GAB4: variants seen among roughly 807,000 people sequenced by gnomAD.
GAB4 encodes the protein GRB2 associated binding protein family member 4.
In GAB4, 26 loss-of-function variants were observed where a neutral mutation model predicts 51.3. The ratio of observed to expected loss-of-function variants is 0.51; its 90% CI spans 0.37 to 0.70. The LOEUF (loss-of-function observed/expected upper bound fraction) is 0.70. Ranked by LOEUF, GAB4 falls within the 30% of genes least tolerant of loss-of-function variation. The pLI, the probability that GAB4 is intolerant of heterozygous loss-of-function variation, is 0.00. For missense variants in GAB4, 759 were observed against 734.6 expected (o/e 1.03, Z -0.38); for synonymous variants, 329 against 291.2 (o/e 1.13, Z -1.32).
chr22:17,005,655 A>G (rs1251921943), intron 1 of GAB4, among the ~76,000 whole-genome samples: 1 of 152,262 alleles, frequency 6.6e-6, no homozygotes, highest in East Asian at 1.9e-4. Flanking sequence ...ACAGATATAT[A>G]GACCAATGGA....
At position 16,987,956 on chromosome 22, in the gene GAB4, C is replaced by T. The variant is rs1290380597; in HGVS notation, c.686+4G>A. ...TGCCCCCACTGGCCATAGTAGCCCC[C>T]TACCTTGCATGTTCTGCTCTCTGGC... On this transcript the variant is annotated splice_donor_region_variant and intron_variant, in intron 3 of 9. Transcript: ENST00000400588. 2 of 1,591,996 alleles carry T rather than the reference C, an allele frequency of 1.3e-6. No individual in the cohort carries two copies. The highest frequency in any genetic ancestry group is 1.7e-6 in the Non-Finnish European group (2 of 1,170,316).
chr22:17,000,460 C>T (rs931132711), intron 1 of GAB4, among the ~76,000 whole-genome samples: 2 of 150,528 alleles, frequency 1.3e-5, no homozygotes, highest in Admixed American at 6.7e-5. Context: ...GGATTGCAAC[C>T]CCTGCTTTTT....
intron 3 of GAB4, among the ~76,000 whole-genome samples, chr22:16,971,638 G>C (rs1035651268): frequency 1.3e-5 from 2 of 152,196 alleles, no homozygotes; most frequent in Admixed American, 1.3e-4. Flanking sequence ...AGCTCTTGGG[G>C]TGTCTCCCCA....
chr22:16,971,404 G>A (rs960741690), intron 3 of GAB4, among the ~76,000 whole-genome samples: 3 of 152,166 alleles, frequency 2.0e-5, no homozygotes, highest in Admixed American at 1.3e-4. Context: ...ACAGCCTTCG[G>A]CTTTATGAGA....
chr22:16,963,679 C>T lies in GAB4; in HGVS notation c.1581+46G>A, dbSNP rs2060647510. On this transcript the variant is annotated intron_variant, in intron 9 of 9. Coordinates refer to ENST00000400588, the MANE Select transcript of GAB4 (RefSeq NM_001037814.1). The stretch of plus-strand genomic sequence containing the variant: ...AAGGGCCTGGCCCCACAGTCTCTCC[C>T]CCAGGGCCCAAGGGCTCTGCCCAAC... 2.8e-6 allele frequency: 4 copies of T among 1,428,740 alleles called. No individual in the cohort carries two copies. The Admixed American group carries it at 7.0e-5, about 25-fold the overall frequency. 88.5% of individuals were successfully genotyped at this position (1,428,740 alleles called of 1,614,324 possible).
chr22:17,005,352 G>A lies in GAB4; in HGVS notation c.174+2589C>T, dbSNP rs566606245. Among the ~76,000 whole-genome samples, 8 of 152,194 alleles carry A rather than the reference G, an allele frequency of 5.3e-5. No homozygotes were observed. The East Asian group carries it at 1.5e-3, about 29-fold the overall frequency. ...AACCACTGCTCAAGGAAATAAGAGA[G>A]GACACAAACAAATGGAAGAACATTC... On this transcript the variant is annotated intron_variant, in intron 1 of 9. Transcript: ENST00000400588.
At chr22:16,989,238 G>A (rs906372891) in intron 2 of GAB4, among the ~76,000 whole-genome samples, 1 of 152,254 alleles carries the variant, frequency 6.6e-6, no homozygotes, top group African/African-American at 2.4e-5. Flanking sequence ...GTCTACAGGT[G>A]TAATTTCAAA....
chr22:16,968,020 G>A (rs1224459208), intron 5 of GAB4, among the ~76,000 whole-genome samples: 1 of 152,146 alleles, frequency 6.6e-6, no homozygotes, highest in African/African-American at 2.4e-5. Flanking sequence ...CACCTGCTTA[G>A]AGCACCCAGA....
chr22:16,980,270 G>C (rs566572068), intron 3 of GAB4, among the ~76,000 whole-genome samples: 26 of 152,238 alleles, frequency 1.7e-4, no homozygotes, highest in Middle Eastern at 6.8e-3. Context: ...ATCTGACAAA[G>C]GGCTAATATC....
At chr22:16,963,170 G>A (rs2060643127) in intron 9 of GAB4, among the ~76,000 whole-genome samples, 1 of 152,180 alleles carries the variant, frequency 6.6e-6, no homozygotes, top group Non-Finnish European at 1.5e-5. Flanking sequence ...CTCATCCATG[G>A]CAGGAAATTT....
At position 16,962,033 on chromosome 22, in the gene GAB4, G is replaced by T. The variant is rs184247668; in HGVS notation, c.*700C>A. 6.6e-6 allele frequency: 1 copy of T among 152,380 alleles called. No individual in the cohort carries two copies. 9.4% of individuals were successfully genotyped at this position (152,380 alleles called of 1,614,324 possible). ...GCCAGCCTGCAGCTCCGGATTTCTG[G>T]GGCCCTGACCCTGGTCCTTGTCACC... is the stretch of plus-strand genomic sequence containing the variant. On this transcript the variant is annotated 3_prime_UTR_variant, in exon 10 of 10. Coordinates refer to ENST00000400588, the MANE Select transcript of GAB4 (RefSeq NM_001037814.1).
chr22:16,979,582 G>C (rs2060810058), intron 3 of GAB4, among the ~76,000 whole-genome samples: 2 of 152,188 alleles, frequency 1.3e-5, no homozygotes, highest in South Asian at 4.1e-4. Flanking sequence ...TCGTGAAAAT[G>C]GCCATACTGC....
At chr22:16,964,471 A>G (rs1347437257) in intron 8 of GAB4, among the ~76,000 whole-genome samples, 1 of 151,954 alleles carries the variant, frequency 6.6e-6, no homozygotes, top group African/African-American at 2.4e-5. Context: ...CGAAGCAGAC[A>G]CCTCCAACTC....
chr22:16,992,659 T>C (rs757729371), intron 1 of GAB4, among the ~76,000 whole-genome samples: 5 of 152,210 alleles, frequency 3.3e-5, no homozygotes, highest in Non-Finnish European at 5.9e-5. Flanking sequence ...TACCATATCA[T>C]GATGCTTTAG....
intron 4 of GAB4, chr22:16,969,482 A>C (rs1227130712): frequency 4.3e-6 from 2 of 461,876 alleles, no homozygotes; most frequent in Non-Finnish European, 7.5e-6. Context: ...GCAGGAGATG[A>C]ACTTGACTAT....
At chr22:16,985,020 C>A (rs1481092720) in intron 3 of GAB4, among the ~76,000 whole-genome samples, 7 of 152,186 alleles carry the variant, frequency 4.6e-5, no homozygotes, top group African/African-American at 1.7e-4. Flanking sequence ...CCAGTCCACA[C>A]CCTGCCTCCT....
intron 3 of GAB4, among the ~76,000 whole-genome samples, chr22:16,972,792 T>C (rs951094306): frequency 6.6e-6 from 1 of 152,092 alleles, no homozygotes; most frequent in Non-Finnish European, 1.5e-5. Context: ...TCCTCACATC[T>C]TCCCAGGGCC....
chr22:16,963,846 G>A lies in GAB4; in HGVS notation c.1477-17C>T. On this transcript the variant is annotated splice_polypyrimidine_tract_variant and intron_variant, in intron 8 of 9. Coordinates refer to ENST00000400588, the MANE Select transcript of GAB4 (RefSeq NM_001037814.1). ...TGCCGGGTTCTGCTGTCACAAGGAG[G>A]AAAATCCTGCAAATGAGTTCAGGAC... 2 of 1,602,828 alleles carry A rather than the reference G, an allele frequency of 1.2e-6. No individual in the cohort carries two copies. The highest frequency in any genetic ancestry group is 2.2e-5 in the South Asian group (2 of 90,842).
rs542011136 is a variant in GAB4, at chr22:16,980,808, C to T, written c.686+7152G>A. Among the ~76,000 whole-genome samples the T allele has an allele frequency of 8.5e-5, 13 of 152,224 alleles. No homozygotes were observed. In the East Asian group the frequency reaches 1.5e-3, roughly 18 times the overall value. On this transcript the variant is annotated intron_variant, in intron 3 of 9. Coordinates refer to ENST00000400588, the MANE Select transcript of GAB4 (RefSeq NM_001037814.1). ...TAAAGAAAATGTGGCACATATGCAC[C>T]GTGGAATACTATGCAGCCATAAAAA...
Sources: allele counts gnomAD v4.1 joint callset (sites outside exome capture counted in the v4.1 genomes callset), GRCh38; gene constraint gnomAD v4.1.1; transcripts MANE v1.5; gene names NCBI Gene and HGNC (gene_info 2026-07-23, HGNC 2026-07-21).